LHFPL3: variants seen among roughly 807,000 people sequenced by gnomAD.
The protein encoded by LHFPL3 is LHFPL tetraspan subfamily member 3 protein.
In LHFPL3, 5 loss-of-function variants were observed where a neutral mutation model predicts 19.3. The observed-to-expected ratio is 0.26, with a 90% confidence interval of 0.14 to 0.54. The LOEUF (loss-of-function observed/expected upper bound fraction) is 0.54, where lower values mean the gene tolerates loss of function less well. LHFPL3 is among the 20% of genes least tolerant of loss of function. The pLI is 0.94. For missense variants in LHFPL3, 249 were observed against 307.4 expected (o/e 0.81, Z 1.42); for synonymous variants, 133 against 126.2 (o/e 1.05, Z -0.36).
chr7:104,659,658 A>T (rs1457999500), intron 1 of LHFPL3, among the ~76,000 whole-genome samples: 2 of 152,302 alleles, frequency 1.3e-5, no homozygotes, highest in South Asian at 4.1e-4. Flanking sequence ...AAGCCATTCT[A>T]GTGCAGTGCT....
intron 1 of LHFPL3, among the ~76,000 whole-genome samples, chr7:104,609,303 T>C (rs1267871341): frequency 6.6e-6 from 1 of 151,898 alleles, no homozygotes; most frequent in East Asian, 1.9e-4. Context: ...CCACAGTTAG[T>C]TTTATTATCT....
chr7:104,353,354 T>C (rs1790216499), intron 1 of LHFPL3, among the ~76,000 whole-genome samples: 1 of 152,170 alleles, frequency 6.6e-6, no homozygotes, highest in Non-Finnish European at 1.5e-5. Flanking sequence ...CACATGAGGA[T>C]GGTAAGGTAT....
intron 1 of LHFPL3, among the ~76,000 whole-genome samples, chr7:104,582,340 A>G (rs1347567472): frequency 1.3e-5 from 2 of 151,966 alleles, no homozygotes; most frequent in African/African-American, 4.8e-5. Flanking sequence ...TACTAAATTC[A>G]CTTATGAATT....
intron 1 of LHFPL3, among the ~76,000 whole-genome samples, chr7:104,598,237 C>T (rs1043760377): frequency 4.6e-5 from 7 of 152,120 alleles, no homozygotes; most frequent in African/African-American, 1.7e-4. Flanking sequence ...ACAGATATCT[C>T]GATTGGTTCA....
Position 104,328,629 on chromosome 7 carries a change from A to G in LHFPL3, c.-151A>G, listed in dbSNP as rs1801507558. 1.5e-6 allele frequency: 1 copy of G among 685,446 alleles called. No homozygotes were observed. Among genetic ancestry groups the G allele is most frequent in the Non-Finnish European group, 2.4e-6 (1 of 410,154 alleles). The allele number at this position is 685,446 out of a possible 1,614,324, so 42.5% of individuals were successfully genotyped here. A position where few individuals can be genotyped will look rare whatever the true frequency, so the allele number is the denominator to read the frequency against. ...CTCCCCCGCCCTCCTTCCGGGAGCG[A>G]GGATGCAGACTCTGAAACTGGTGCT... On this transcript the variant is annotated 5_prime_UTR_variant, in exon 1 of 3. Transcript: ENST00000424859. The surrounding 1 kb of genome is among the most constrained non-coding windows in gnomAD (Gnocchi z 4.6).
intron 1 of LHFPL3, among the ~76,000 whole-genome samples, chr7:104,584,475 A>T (rs181810792): frequency 2.9e-4 from 44 of 152,222 alleles, no homozygotes; most frequent in African/African-American, 8.9e-4. Flanking sequence ...AAAATTTTTT[A>T]AAAAAAGAAA....
At chr7:104,583,553 C>G (rs951295398) in intron 1 of LHFPL3, among the ~76,000 whole-genome samples, 3 of 152,066 alleles carry the variant, frequency 2.0e-5, no homozygotes, top group African/African-American at 7.2e-5. Context: ...ATTTTTGCAA[C>G]CTACTCATCT....
intron 1 of LHFPL3, among the ~76,000 whole-genome samples, chr7:104,504,967 C>T (rs941618551): frequency 2.0e-5 from 3 of 152,096 alleles, no homozygotes; most frequent in African/African-American, 7.2e-5. Flanking sequence ...CAAACTCACA[C>T]TGCTTGTGTA....
chr7:104,337,020 C>CT (rs139792178), intron 1 of LHFPL3, among the ~76,000 whole-genome samples: 57 of 150,948 alleles, frequency 3.8e-4, no homozygotes, highest in South Asian at 1.5e-3. Flanking sequence ...ATCACAGGCC[C>CT]TTTTTTTTTA....
At chr7:104,760,768 C>G (rs1464587773) in intron 2 of LHFPL3, among the ~76,000 whole-genome samples, 1 of 152,156 alleles carries the variant, frequency 6.6e-6, no homozygotes, top group Non-Finnish European at 1.5e-5. Context: ...AGTTCCATCA[C>G]GTCTTGATTT....
At chr7:104,354,658 A>G (rs1183742820) in intron 1 of LHFPL3, among the ~76,000 whole-genome samples, 1 of 152,190 alleles carries the variant, frequency 6.6e-6, no homozygotes, top group Non-Finnish European at 1.5e-5. Context: ...TATGCTTGTT[A>G]GTTGAACTTT....
At chr7:104,554,783 A>G (rs868353694) in intron 1 of LHFPL3, among the ~76,000 whole-genome samples, 1 of 152,198 alleles carries the variant, frequency 6.6e-6, no homozygotes. Flanking sequence ...TGTAAGCTGG[A>G]AGCCCAGGGA....
chr7:104,764,614 C>A (rs1000835879), intron 2 of LHFPL3, among the ~76,000 whole-genome samples: 2 of 151,732 alleles, frequency 1.3e-5, no homozygotes, highest in African/African-American at 4.8e-5. Context: ...CTTAATAATC[C>A]ATATCTACAC....
At chr7:104,430,436 A>G (rs1239181890) in intron 1 of LHFPL3, among the ~76,000 whole-genome samples, 244 of 12,816 alleles carry the variant, frequency 0.019, no homozygotes, top group Middle Eastern at 0.088. Context: ...ATATATATAT[A>G]TATATATATA....
chr7:104,693,011 T>G (rs1792931390), intron 1 of LHFPL3, among the ~76,000 whole-genome samples: 1 of 152,200 alleles, frequency 6.6e-6, no homozygotes, highest in Admixed American at 6.5e-5. Context: ...GCCACGAGGT[T>G]GGAGCTGCCC....
chr7:104,797,588 C>G (rs1165824589), intron 2 of LHFPL3, among the ~76,000 whole-genome samples: 1 of 151,324 alleles, frequency 6.6e-6, no homozygotes, highest in African/African-American at 2.4e-5. Context: ...TTTTTTAATT[C>G]CAATATACCT....
intron 1 of LHFPL3, among the ~76,000 whole-genome samples, chr7:104,431,083 A>G (rs1356284316): frequency 6.6e-6 from 1 of 152,212 alleles, no homozygotes; most frequent in Non-Finnish European, 1.5e-5. Flanking sequence ...CACAACTCCA[A>G]TACTTCACCT....
At chr7:104,625,127 G>A (rs536783239) in intron 1 of LHFPL3, among the ~76,000 whole-genome samples, 2 of 152,300 alleles carry the variant, frequency 1.3e-5, no homozygotes, top group Admixed American at 6.5e-5. Context: ...TATGCAGTTG[G>A]ACAAACTCTT....
At chr7:104,844,964 T>C (rs1385627319) in intron 2 of LHFPL3, among the ~76,000 whole-genome samples, 1 of 152,224 alleles carries the variant, frequency 6.6e-6, no homozygotes, top group Admixed American at 6.5e-5. Context: ...AATCTCGAAC[T>C]CCTGACCTCA....
Sources: allele counts gnomAD v4.1 joint callset (sites outside exome capture counted in the v4.1 genomes callset), GRCh38; gene constraint gnomAD v4.1.1; non-coding constraint Gnocchi (gnomAD v3.1); transcripts MANE v1.5; gene names NCBI Gene and HGNC (gene_info 2026-07-23, HGNC 2026-07-21).